SLC14A2: variants seen among roughly 807,000 people sequenced by gnomAD.
The protein encoded by SLC14A2 is urea transporter 2.
In SLC14A2, 91 loss-of-function variants were observed where a neutral mutation model predicts 104.6. The observed-to-expected ratio is 0.87, with a 90% CI of 0.73 to 1.04. SLC14A2 has a LOEUF of 1.04. Among genes scored for constraint, SLC14A2 ranks in the 50% least tolerant of loss-of-function variants. The pLI is 0.00. For missense variants in SLC14A2, 1,189 were observed against 1,156.0 expected (o/e 1.03, Z -0.41); for synonymous variants, 476 against 466.4 (o/e 1.02, Z -0.27).
chr18:45,530,861 C>T (rs1479507433), intron 2 of SLC14A2, among the ~76,000 whole-genome samples: 8 of 152,060 alleles, frequency 5.3e-5, no homozygotes, highest in Non-Finnish European at 1.2e-4. Flanking sequence ...CCCCCCACCC[C>T]ACAACAGTCC....
At chr18:45,318,898 G>A (rs1050629920) in intron 1 of SLC14A2, among the ~76,000 whole-genome samples, 15 of 152,138 alleles carry the variant, frequency 9.9e-5, no homozygotes, top group East Asian at 3.9e-4. Context: ...GGCCAAATGC[G>A]CCACCAGATT....
At chr18:45,448,151 C>A (rs1293001463) in intron 1 of SLC14A2, among the ~76,000 whole-genome samples, 4 of 152,182 alleles carry the variant, frequency 2.6e-5, no homozygotes, top group African/African-American at 9.7e-5. Context: ...GGTGCCTTGG[C>A]TTTTTATTTT....
intron 1 of SLC14A2, among the ~76,000 whole-genome samples, chr18:45,248,030 G>A (rs2084384030): frequency 6.6e-6 from 1 of 152,044 alleles, no homozygotes; most frequent in African/African-American, 2.4e-5. Flanking sequence ...TCAGTAGGGA[G>A]CAAAAAAACC....
intron 1 of SLC14A2, among the ~76,000 whole-genome samples, chr18:45,452,117 G>T (rs575318394): frequency 6.6e-6 from 1 of 152,208 alleles, no homozygotes; most frequent in African/African-American, 2.4e-5. Flanking sequence ...GACACGATGT[G>T]TGTGTAAGAG....
At chr18:45,547,011 G>C (rs1021356181) in intron 2 of SLC14A2, among the ~76,000 whole-genome samples, 1 of 151,944 alleles carries the variant, frequency 6.6e-6, no homozygotes. Flanking sequence ...TATGGTCCCC[G>C]GACCCTCTTG....
chr18:45,492,943 C>A (rs1413370941), intron 2 of SLC14A2: 2 of 152,218 alleles, frequency 1.3e-5, no homozygotes, highest in Non-Finnish European at 2.9e-5. Context: ...CGCTCTCTTT[C>A]CCTTACTGCA....
chr18:45,234,870 C>G (rs1441773827), intron 1 of SLC14A2, among the ~76,000 whole-genome samples: 2 of 151,226 alleles, frequency 1.3e-5, no homozygotes, highest in Non-Finnish European at 3.0e-5. Context: ...ATACATGTTT[C>G]TTTATCCAAT....
chr18:45,475,043 C>T (rs2087331868), intron 1 of SLC14A2, among the ~76,000 whole-genome samples: 1 of 152,184 alleles, frequency 6.6e-6, no homozygotes, highest in Non-Finnish European at 1.5e-5. Context: ...TTAAACACTG[C>T]TTTAGCTGTG....
At chr18:45,576,711 C>A (rs909905982) in intron 2 of SLC14A2, among the ~76,000 whole-genome samples, 2 of 152,170 alleles carry the variant, frequency 1.3e-5, no homozygotes, top group Non-Finnish European at 2.9e-5. Flanking sequence ...AGACTTCCTA[C>A]ACTGTGTTTT....
chr18:45,218,094 T>C (rs1232430807), intron 1 of SLC14A2, among the ~76,000 whole-genome samples: 1 of 152,180 alleles, frequency 6.6e-6, no homozygotes, highest in Non-Finnish European at 1.5e-5. Flanking sequence ...CACATTCACA[T>C]TGTTGTACAG....
intron 1 of SLC14A2, among the ~76,000 whole-genome samples, chr18:45,247,044 C>A (rs936248058): frequency 6.6e-6 from 1 of 152,112 alleles, no homozygotes; most frequent in Non-Finnish European, 1.5e-5. Context: ...CATGATACAA[C>A]CAAAGATGTT....
chr18:45,572,834 A>G (rs964772985), intron 2 of SLC14A2, among the ~76,000 whole-genome samples: 3 of 152,226 alleles, frequency 2.0e-5, no homozygotes, highest in African/African-American at 7.2e-5. Context: ...GTGCAACCCA[A>G]TGTAAAATAA....
chr18:45,371,955 C>T (rs2144355773), intron 1 of SLC14A2, among the ~76,000 whole-genome samples: 1 of 152,206 alleles, frequency 6.6e-6, no homozygotes, highest in African/African-American at 2.4e-5. Flanking sequence ...ATAGTATTAC[C>T]TACTTAGATA....
intron 2 of SLC14A2, among the ~76,000 whole-genome samples, chr18:45,602,297 G>C (rs1466330114): frequency 6.6e-6 from 1 of 152,222 alleles, no homozygotes; most frequent in Non-Finnish European, 1.5e-5. Flanking sequence ...TTAGTGAGCA[G>C]AGTGATTTGT....
At chr18:45,207,832 C>A in the SLC14A2 span, among the ~76,000 whole-genome samples, 1 of 152,072 alleles carries the variant, frequency 6.6e-6, no homozygotes, top group Admixed American at 6.6e-5. Flanking sequence ...AGAATGTTTT[C>A]TTAATAATAA....
At chr18:45,211,638 T>C (rs79706880), upstream of SLC14A2, among the ~76,000 whole-genome samples, 9,066 of 152,222 alleles carry the variant, frequency 0.06, 322 homozygotes, top group Middle Eastern at 0.071. Flanking sequence ...TTTTTCTCCT[T>C]CTTTATAGCC....
At chr18:45,209,734 A>G (rs962878954), upstream of SLC14A2, among the ~76,000 whole-genome samples, 1 of 152,194 alleles carries the variant, frequency 6.6e-6, no homozygotes, top group Non-Finnish European at 1.5e-5. Context: ...TAAGAAGATA[A>G]AAAGAGACTG....
At chr18:45,594,068 A>G (rs911228925) in intron 2 of SLC14A2, among the ~76,000 whole-genome samples, 1 of 152,140 alleles carries the variant, frequency 6.6e-6, no homozygotes, top group Admixed American at 6.5e-5. Context: ...TACTTTTTAA[A>G]AATTTGATTT....
At chr18:45,298,245 CAGTAATTGGTGG>C (rs2084935654) in intron 1 of SLC14A2, among the ~76,000 whole-genome samples, 1 of 152,156 alleles carries the variant, frequency 6.6e-6, no homozygotes, top group Non-Finnish European at 1.5e-5. Flanking sequence ...GGAGACATCC[CAGTAATTGGTGG>C]AGCAACATGG....
Sources: allele counts gnomAD v4.1 joint callset (sites outside exome capture counted in the v4.1 genomes callset), GRCh38; gene constraint gnomAD v4.1.1; transcripts MANE v1.5; gene names NCBI Gene and HGNC (gene_info 2026-07-23, HGNC 2026-07-21).